Variants in C1GALT1 observed in about 807,000 individuals in gnomAD.
The protein encoded by C1GALT1 is glycoprotein-N-acetylgalactosamine 3-beta-galactosyltransferase 1.
C1GALT1 carries 11 observed loss-of-function variants against 31.0 expected under a neutral mutation model. The ratio of observed to expected loss-of-function variants is 0.36; its 90% CI spans 0.22 to 0.59. The LOEUF (loss-of-function observed/expected upper bound fraction) is 0.59, where lower values mean the gene tolerates loss of function less well. Among genes scored for constraint, C1GALT1 ranks in the 20% least tolerant of loss-of-function variants. The pLI, the probability that C1GALT1 is intolerant of heterozygous loss-of-function variation, is 0.79. For synonymous variants in C1GALT1, 175 were observed against 143.6 expected, an observed-to-expected ratio of 1.22 and a Z score of -1.56; for missense variants, 424 against 425.2, an observed-to-expected ratio of 1.00 and a Z score of 0.03.
At chr7:7,202,197 CAG>C (rs1261438934) in intron 1 of C1GALT1, among the ~76,000 whole-genome samples, 4 of 152,150 alleles carry the variant, frequency 2.6e-5, no homozygotes, top group Non-Finnish European at 4.4e-5. Flanking sequence ...TTGGCTGTCT[CAG>C]GGGACCAGCA....
chr7:7,228,194 TGTTTCTGG>T (rs1384864301), intron 1 of C1GALT1, among the ~76,000 whole-genome samples: 1 of 152,240 alleles, frequency 6.6e-6, no homozygotes, highest in Non-Finnish European at 1.5e-5. Context: ...TAATAATTGT[TGTTTCTGG>T]GTAGTAGGAC....
chr7:7,219,879 CTAATA>C (rs1782429112), intron 1 of C1GALT1, among the ~76,000 whole-genome samples: 1 of 151,964 alleles, frequency 6.6e-6, no homozygotes, highest in South Asian at 2.1e-4. Context: ...CACTTATGTT[CTAATA>C]TGTTTTCATA....
At chr7:7,201,021 G>C (rs1031894950) in intron 1 of C1GALT1, among the ~76,000 whole-genome samples, 5 of 152,170 alleles carry the variant, frequency 3.3e-5, no homozygotes, top group African/African-American at 1.2e-4. Flanking sequence ...GTCATTCTCC[G>C]TCCAGCTTTG....
At chr7:7,215,350 G>C (rs142974118) in intron 1 of C1GALT1, among the ~76,000 whole-genome samples, 2,596 of 152,278 alleles carry the variant, frequency 0.017, 46 homozygotes, top group Non-Finnish European at 0.023. Flanking sequence ...TAAATTTACA[G>C]AGAATATAAA....
intron 3 of C1GALT1, among the ~76,000 whole-genome samples, chr7:7,240,689 T>C (rs901973316): frequency 6.6e-6 from 1 of 152,136 alleles, no homozygotes; most frequent in Non-Finnish European, 1.5e-5. Flanking sequence ...ATTTATCAAA[T>C]TATGTTGAAG....
intron 1 of C1GALT1, among the ~76,000 whole-genome samples, chr7:7,190,277 C>T (rs1014147160): frequency 6.6e-6 from 1 of 152,104 alleles, no homozygotes; most frequent in Non-Finnish European, 1.5e-5. Flanking sequence ...CAGGCCTGGG[C>T]TGAGAAGCTG....
At chr7:7,222,329 C>T (rs529947744) in intron 1 of C1GALT1, among the ~76,000 whole-genome samples, 1 of 152,200 alleles carries the variant, frequency 6.6e-6, no homozygotes, top group East Asian at 1.9e-4. Flanking sequence ...TTTATGTAGT[C>T]CAAAAATTAT....
intron 1 of C1GALT1, among the ~76,000 whole-genome samples, chr7:7,217,116 C>T (rs184076745): frequency 1.3e-5 from 2 of 152,322 alleles, no homozygotes; most frequent in Non-Finnish European, 2.9e-5. Flanking sequence ...GATGAATGAA[C>T]TTCCTTTACC....
At chr7:7,224,621 G>A (rs922172973) in intron 1 of C1GALT1, among the ~76,000 whole-genome samples, 3 of 152,038 alleles carry the variant, frequency 2.0e-5, no homozygotes, top group Non-Finnish European at 4.4e-5. Context: ...AAATTTATAC[G>A]TGTAGAGTTG....
At chr7:7,206,017 A>T (rs1562572875) in intron 1 of C1GALT1, among the ~76,000 whole-genome samples, 2 of 151,938 alleles carry the variant, frequency 1.3e-5, no homozygotes, top group African/African-American at 4.8e-5. Context: ...TCTATAAGCT[A>T]TTTTCTTTGG....
chr7:7,204,754 G>A (rs183593757), intron 1 of C1GALT1, among the ~76,000 whole-genome samples: 9 of 151,998 alleles, frequency 5.9e-5, no homozygotes, highest in East Asian at 3.9e-4. Context: ...TGTGTTTTTC[G>A]TTTGTCTCTA....
At chr7:7,188,847 G>C (rs1253057762) in intron 1 of C1GALT1, among the ~76,000 whole-genome samples, 1 of 152,124 alleles carries the variant, frequency 6.6e-6, no homozygotes, top group African/African-American at 2.4e-5. Context: ...TTAAAGTGCA[G>C]ACTAACCGAT....
chr7:7,226,867 A>C (rs1409426360), intron 1 of C1GALT1, among the ~76,000 whole-genome samples: 1 of 152,176 alleles, frequency 6.6e-6, no homozygotes, highest in Non-Finnish European at 1.5e-5. Context: ...AACTATGTAC[A>C]TTTTTACCAA....
At chr7:7,202,319 T>G (rs764431708) in intron 1 of C1GALT1, among the ~76,000 whole-genome samples, 1 of 152,214 alleles carries the variant, frequency 6.6e-6, no homozygotes, top group Non-Finnish European at 1.5e-5. Context: ...CTCCACACAC[T>G]ACTCGGTGTG....
intron 2 of C1GALT1, among the ~76,000 whole-genome samples, chr7:7,173,295 C>T (rs554392118): frequency 1.3e-5 from 2 of 151,734 alleles, no homozygotes; most frequent in Admixed American, 1.3e-4. Flanking sequence ...GATGTGCTTG[C>T]TCTCCCTTCA....
chr7:7,186,747 C>G (rs752962761), intron 1 of C1GALT1, among the ~76,000 whole-genome samples: 24 of 152,106 alleles, frequency 1.6e-4, no homozygotes, highest in Non-Finnish European at 1.5e-4. Context: ...GTGTGAAGAC[C>G]CTGGCACGTT....
At chr7:7,212,373 C>A (rs1157893760) in intron 1 of C1GALT1, among the ~76,000 whole-genome samples, 1 of 152,156 alleles carries the variant, frequency 6.6e-6, no homozygotes, top group Non-Finnish European at 1.5e-5. Context: ...TCAGTCAAAG[C>A]CTTGGTATAA....
rs750887923 is a variant in C1GALT1, at chr7:7,234,521, G to A, written c.202G>A (p.Asp68Asn). The change falls in exon 2 of 4, where the codon GAT becomes AAT. Residue 68 changes from aspartate (D) to asparagine (N), a missense_variant. Asp to Asn is a conservative substitution (Grantham distance 23). This residue lies in a region of C1GALT1 where 189 missense variants were observed against 158.2 expected (regional missense o/e 1.19). Transcript: ENST00000436587. ...HLEGQMNFNA[D>N]SSQHKDENTD... is the part of the protein sequence containing the mutation. The stretch of plus-strand genomic sequence containing the variant: ...AGAAGGACAAATGAACTTCAATGCA[G>A]ATTCTAGCCAACATAAAGGTATGGT... 12 of 1,610,424 alleles carry A rather than the reference G, an allele frequency of 7.5e-6. No individual in the cohort carries two copies. In the South Asian group the frequency reaches 1.3e-4, roughly 18 times the overall value.
intron 1 of C1GALT1, among the ~76,000 whole-genome samples, chr7:7,196,134 T>C (rs1781276218): frequency 6.6e-6 from 1 of 152,194 alleles, no homozygotes; most frequent in African/African-American, 2.4e-5. Context: ...TACATATGTA[T>C]ACATGTGTCA....
Sources: gnomAD v4.1 joint callset for allele counts (sites outside exome capture counted in the v4.1 genomes callset) on GRCh38, gnomAD v4.1.1 for gene constraint, gnomAD v4.1.1 regional missense constraint, MANE v1.5 for transcripts, NCBI Gene and HGNC (gene_info 2026-07-23, HGNC 2026-07-21) for gene names.